The following ADCY9 variants were observed in gnomAD, a reference collection of about 807,000 sequenced individuals.
ADCY9 encodes the protein adenylate cyclase 9, also known as adenylate cyclase type 9.
ADCY9 carries 50 observed loss-of-function variants against 101.5 expected under a neutral mutation model. The observed-to-expected ratio is 0.49, with a 90% CI of 0.39 to 0.62. ADCY9 has a LOEUF of 0.62. Ranked by LOEUF, ADCY9 falls within the 20% of genes least tolerant of loss-of-function variation. The pLI is 0.00. For missense variants in ADCY9, 1,662 were observed against 1,800.4 expected, an observed-to-expected ratio of 0.92 and a Z score of 1.39; for synonymous variants, 905 against 769.3, an observed-to-expected ratio of 1.18 and a Z score of -2.92.
intron 3 of ADCY9, among the ~76,000 whole-genome samples, chr16:4,003,030 T>C (rs2056341516): frequency 6.6e-6 from 1 of 152,162 alleles, no homozygotes; most frequent in Non-Finnish European, 1.5e-5. Flanking sequence ...TTTCTTTTTC[T>C]TCATGAAGAT....
At chr16:3,998,133 T>A (rs1389277106) in intron 3 of ADCY9, among the ~76,000 whole-genome samples, 2 of 151,920 alleles carry the variant, frequency 1.3e-5, no homozygotes, top group Non-Finnish European at 1.5e-5. Context: ...ATAAAAACTT[T>A]CAAACAAATG....
At chr16:4,038,713 C>T (rs75531498) in intron 2 of ADCY9, among the ~76,000 whole-genome samples, 71 of 152,126 alleles carry the variant, frequency 4.7e-4, no homozygotes, top group Non-Finnish European at 6.2e-4. Flanking sequence ...TCTCTTCTCT[C>T]GGGGTCATCA....
chr16:4,077,291 G>C (rs1351948068), intron 2 of ADCY9, among the ~76,000 whole-genome samples: 1 of 152,122 alleles, frequency 6.6e-6, no homozygotes, highest in Non-Finnish European at 1.5e-5. Context: ...GACACTTCCT[G>C]TGACATCTGG....
intron 8 of ADCY9, 65 bp downstream of exon 8, chr16:3,979,051 T>C (rs1225797080): frequency 2.5e-6 from 4 of 1,592,732 alleles, no homozygotes; most frequent in Non-Finnish European, 2.6e-6. Context: ...CCAAGTGATT[T>C]AAAGAAAAGA....
chr16:4,087,110 AATCCACTCTGGCTTTCTTGGTGAGCGT>A (rs2056943986), intron 2 of ADCY9, among the ~76,000 whole-genome samples: 6 of 152,032 alleles, frequency 3.9e-5, no homozygotes, highest in African/African-American at 1.2e-4. Flanking sequence ...ATTAATGTGA[AATCCACTCTGGCTTTCTTGGTGAGCGT>A]TTCTACATTT....
At chr16:4,003,504 C>G (rs551722507) in intron 3 of ADCY9, among the ~76,000 whole-genome samples, 2 of 151,034 alleles carry the variant, frequency 1.3e-5, no homozygotes, top group Non-Finnish European at 3.0e-5. Context: ...TTATCACCAC[C>G]GCACTGAAGA....
At chr16:4,052,925 G>A (rs992188127) in intron 2 of ADCY9, among the ~76,000 whole-genome samples, 16 of 152,240 alleles carry the variant, frequency 1.1e-4, no homozygotes, top group South Asian at 6.2e-4. Context: ...TGACATGAGC[G>A]GCTCTTCAAG....
Position 4,069,216 on chromosome 16 carries a change from C to A in ADCY9, c.1693+44534G>T, listed in dbSNP as rs1468833497. Among the ~76,000 whole-genome samples the A allele has an allele frequency of 2.0e-5, 3 of 152,018 alleles. No homozygotes were observed. In the East Asian group the frequency reaches 5.8e-4, roughly 29 times the overall value. On this transcript the variant is annotated intron_variant, in intron 2 of 10. Transcript: ENST00000294016. ...ACTAGAATCAATTTTTTCATCTTTA[C>A]GAATCAAAGAGATTTTTCAAATTTT...
intron 2 of ADCY9, among the ~76,000 whole-genome samples, chr16:4,027,738 G>C (rs749272169): frequency 1.3e-5 from 2 of 152,100 alleles, no homozygotes; most frequent in Non-Finnish European, 2.9e-5. Flanking sequence ...TTAGCTGGGT[G>C]TGGTGGTCCA....
chr16:4,049,058 G>A (rs1302575497), intron 2 of ADCY9, among the ~76,000 whole-genome samples: 1 of 150,280 alleles, frequency 6.7e-6, no homozygotes, highest in Non-Finnish European at 1.5e-5. Flanking sequence ...GAAGCAGAAG[G>A]CTGGGGCAGC....
At chr16:4,015,330 T>C (rs1692228884) in intron 2 of ADCY9, among the ~76,000 whole-genome samples, 1 of 151,276 alleles carries the variant, frequency 6.6e-6, no homozygotes, top group Non-Finnish European at 1.5e-5. Context: ...AGTCCAGGAG[T>C]CCACACACTT....
At position 3,965,479 on chromosome 16, in the gene ADCY9, G is replaced by A; in HGVS notation, c.*296C>T. On this transcript the variant is annotated 3_prime_UTR_variant, in exon 11 of 11. Coordinates refer to ENST00000294016, the MANE Select transcript of ADCY9 (RefSeq NM_001116.4). ...AATACCCAAAGCCATGATCTCCACTGGCGGCCTCTGTCCCGAGACTCGAGG... is the reference window on the plus strand; with the variant it reads ...AATACCCAAAGCCATGATCTCCACTAGCGGCCTCTGTCCCGAGACTCGAGG... 2 of 443,660 alleles carry A rather than the reference G, an allele frequency of 4.5e-6. No homozygotes were observed. The highest frequency in any genetic ancestry group is 8.0e-6 in the Non-Finnish European group (2 of 250,162). 27.5% of individuals were successfully genotyped at this position (443,660 alleles called of 1,614,324 possible).
At chr16:3,977,704 A>C in intron 8 of ADCY9, 74 bp from the exon 9 acceptor site, 1 of 1,514,796 alleles carries the variant, frequency 6.6e-7, no homozygotes, top group Non-Finnish European at 8.9e-7. Flanking sequence ...CCGCCAAAAC[A>C]TTCGCCACTA....
chr16:3,976,506 A>C (rs1422888851), intron 9 of ADCY9, among the ~76,000 whole-genome samples: 1 of 152,150 alleles, frequency 6.6e-6, no homozygotes, highest in African/African-American at 2.4e-5. Context: ...TGTCTGCGCC[A>C]TCCCATTCCT....
At chr16:3,993,043 C>G (rs2056258362) in intron 4 of ADCY9, among the ~76,000 whole-genome samples, 1 of 152,160 alleles carries the variant, frequency 6.6e-6, no homozygotes, top group Non-Finnish European at 1.5e-5. Flanking sequence ...TTCACCCAGC[C>G]TTTCTCGCCG....
chr16:4,096,007 G>A (rs2057001616), intron 2 of ADCY9, among the ~76,000 whole-genome samples: 1 of 150,468 alleles, frequency 6.6e-6, no homozygotes, highest in Admixed American at 6.7e-5. Flanking sequence ...AATCAAATGG[G>A]GTTCCTCTAA....
chr16:4,022,710 C>G (rs1010553017), intron 2 of ADCY9, among the ~76,000 whole-genome samples: 4 of 152,012 alleles, frequency 2.6e-5, no homozygotes, highest in African/African-American at 9.7e-5. Context: ...AGAAGGATTG[C>G]TTGAACCCAG....
chr16:4,022,691 G>A (rs907618939), intron 2 of ADCY9, among the ~76,000 whole-genome samples: 1 of 152,048 alleles, frequency 6.6e-6, no homozygotes, highest in Non-Finnish European at 1.5e-5. Flanking sequence ...CAATTTGGGA[G>A]GCTGAAGCAG....
At chr16:4,065,632 C>A (rs548511145) in intron 2 of ADCY9, among the ~76,000 whole-genome samples, 2 of 152,174 alleles carry the variant, frequency 1.3e-5, no homozygotes, top group African/African-American at 4.8e-5. Flanking sequence ...AGGGCAATGG[C>A]GCTATTTTGG....
Sources: allele counts gnomAD v4.1 joint callset (sites outside exome capture counted in the v4.1 genomes callset), GRCh38; gene constraint gnomAD v4.1.1; transcripts MANE v1.5; gene names NCBI Gene and HGNC (gene_info 2026-07-23, HGNC 2026-07-21).